Variants in RPS6KA5 observed in about 807,000 individuals in gnomAD.
RPS6KA5 encodes ribosomal protein S6 kinase alpha-5.
A neutral mutation model predicts 85.5 loss-of-function variants in RPS6KA5; 27 were observed. That is an observed-to-expected ratio of 0.32 (90% confidence interval 0.23 to 0.44). RPS6KA5 has a LOEUF of 0.44. Ranked by LOEUF, RPS6KA5 falls within the 20% of genes least tolerant of loss-of-function variation. RPS6KA5 has a pLI of 1.00. For missense variants in RPS6KA5, 811 were observed against 980.9 expected, an observed-to-expected ratio of 0.83 and a Z score of 2.31; for synonymous variants, 334 against 348.2, an observed-to-expected ratio of 0.96 and a Z score of 0.46.
At chr14:90,888,849 C>T (rs774813234) in intron 14 of RPS6KA5, among the ~76,000 whole-genome samples, 29 of 151,994 alleles carry the variant, frequency 1.9e-4, no homozygotes, top group South Asian at 4.1e-4. Flanking sequence ...ATCAAAATAC[C>T]GTATTACCAT....
chr14:91,016,123 G>A (rs994586987), intron 1 of RPS6KA5, among the ~76,000 whole-genome samples: 1 of 152,186 alleles, frequency 6.6e-6, no homozygotes, highest in Non-Finnish European at 1.5e-5. Flanking sequence ...CTGAAACGAA[G>A]TTAAGCAATT....
At chr14:90,899,284 G>C in intron 12 of RPS6KA5, 45 bp downstream of exon 12, 1 of 1,286,818 alleles carries the variant, frequency 7.8e-7, no homozygotes, top group African/African-American at 1.6e-5. Context: ...AACCCTGTAA[G>C]TGAATTAGTA....
At chr14:90,960,520 C>A (rs2038743917) in intron 3 of RPS6KA5, among the ~76,000 whole-genome samples, 1 of 152,088 alleles carries the variant, frequency 6.6e-6, no homozygotes, top group Non-Finnish European at 1.5e-5. Context: ...AGCTTTATAG[C>A]CTAAGGAAAA....
intron 3 of RPS6KA5, among the ~76,000 whole-genome samples, chr14:90,973,803 A>G (rs1333064899): frequency 6.6e-6 from 1 of 152,128 alleles, no homozygotes; most frequent in Non-Finnish European, 1.5e-5. Context: ...TTGGGAGGCC[A>G]AGGCGTGCGG....
intron 3 of RPS6KA5, among the ~76,000 whole-genome samples, chr14:90,977,698 T>C (rs2039626291): frequency 6.6e-6 from 1 of 152,192 alleles, no homozygotes; most frequent in African/African-American, 2.4e-5. Context: ...TTCCTCACAT[T>C]TGAATGGAAG....
At chr14:90,988,406 T>C (rs2040150694) in intron 2 of RPS6KA5, among the ~76,000 whole-genome samples, 1 of 152,226 alleles carries the variant, frequency 6.6e-6, no homozygotes, top group South Asian at 2.1e-4. Context: ...GCATTTATTA[T>C]GTGTCAGGCA....
At chr14:90,877,297 A>C (rs2033542398) in intron 14 of RPS6KA5, among the ~76,000 whole-genome samples, 1 of 152,236 alleles carries the variant, frequency 6.6e-6, no homozygotes, top group Non-Finnish European at 1.5e-5. Context: ...TGCTCTAAGA[A>C]GGGCAATGTC....
At chr14:91,030,811 G>C (rs1306879255) in intron 1 of RPS6KA5, among the ~76,000 whole-genome samples, 1 of 151,638 alleles carries the variant, frequency 6.6e-6, no homozygotes. Flanking sequence ...TCTGTATAGG[G>C]GGAGCCTATT....
At chr14:90,988,338 C>T (rs1257511467) in intron 2 of RPS6KA5, among the ~76,000 whole-genome samples, 1 of 152,218 alleles carries the variant, frequency 6.6e-6, no homozygotes, top group Non-Finnish European at 1.5e-5. Context: ...ACTACATTCC[C>T]TTTCAGCTTC....
intron 3 of RPS6KA5, among the ~76,000 whole-genome samples, chr14:90,951,254 C>T (rs896788685): frequency 3.3e-5 from 5 of 152,018 alleles, no homozygotes; most frequent in Admixed American, 2.6e-4. Context: ...GAGGCCGAGG[C>T]GGGCGGGTCA....
rs1390680651 is a variant in RPS6KA5, at chr14:90,871,138, T to C, written c.*936A>G. 1 of 152,544 alleles carries C rather than the reference T, an allele frequency of 6.6e-6. No individual in the cohort carries two copies. The highest frequency in any genetic ancestry group is 1.5e-5 in the Non-Finnish European group (1 of 68,020). 9.4% of individuals were successfully genotyped at this position (152,544 alleles called of 1,614,324 possible). A position where few individuals can be genotyped will look rare whatever the true frequency, so the allele number is the denominator to read the frequency against. ...AATTTCCCTTTAGGTTTTCCTCACATTGGTGCATAAGTGGCTGACTACATG... is the reference window on the plus strand; with the variant it reads ...AATTTCCCTTTAGGTTTTCCTCACACTGGTGCATAAGTGGCTGACTACATG... On this transcript the variant is annotated 3_prime_UTR_variant, in exon 17 of 17. Transcript: ENST00000614987.
intron 7 of RPS6KA5, among the ~76,000 whole-genome samples, chr14:90,907,891 T>C (rs1312324329): frequency 4.6e-5 from 7 of 152,200 alleles, no homozygotes; most frequent in Non-Finnish European, 1.0e-4. Context: ...TTTCCCATTT[T>C]CTCCACCTCT....
rs1429217989 is a variant in RPS6KA5, at chr14:90,857,212, G to C, written c.*14862C>G. 8 of 152,064 alleles carry C rather than the reference G, an allele frequency of 5.3e-5. No homozygotes were observed. The highest frequency in any genetic ancestry group is 1.0e-4 in the Non-Finnish European group (7 of 68,000). 9.4% of individuals were successfully genotyped at this position (152,064 alleles called of 1,614,324 possible). A position where few individuals can be genotyped will look rare whatever the true frequency, so the allele number is the denominator to read the frequency against. On this transcript the variant is annotated 3_prime_UTR_variant, in exon 17 of 17. Coordinates refer to ENST00000614987, the MANE Select transcript of RPS6KA5 (RefSeq NM_004755.4). ...TTCAAAAGTGGGAAAGAATAACAAA[G>C]ACAGGAATAGAATCCTTGATCTGAC... is the stretch of plus-strand genomic sequence containing the variant.
intron 2 of RPS6KA5, among the ~76,000 whole-genome samples, chr14:90,988,834 AATAACAAAG>A (rs1378972504): frequency 1.3e-5 from 2 of 152,130 alleles, no homozygotes; most frequent in African/African-American, 4.8e-5. Flanking sequence ...TAAATAAATA[AATAACAAAG>A]AAATATAATC....
intron 5 of RPS6KA5, among the ~76,000 whole-genome samples, chr14:90,942,749 T>C (rs1595284067): frequency 6.6e-6 from 1 of 152,356 alleles, no homozygotes; most frequent in South Asian, 2.1e-4. Flanking sequence ...TTGGCCACTA[T>C]CAAAGCCATA....
intron 7 of RPS6KA5, among the ~76,000 whole-genome samples, chr14:90,918,825 T>C (rs2036254325): frequency 6.6e-6 from 1 of 152,246 alleles, no homozygotes; most frequent in South Asian, 2.1e-4. Context: ...CATTGATCAT[T>C]TGTCTATCCT....
At position 90,906,164 on chromosome 14, in the gene RPS6KA5, T is replaced by G. The variant is rs1407799005; in HGVS notation, c.942A>C (p.Glu314Asp). ...CGPRDADEIK[E>D]HLFFQKINWD... The stretch of plus-strand genomic sequence containing the variant: ...ATAATTTCACCTGAAAGAAGAGATG[T>G]TCTTTGATTTCATCTGCATCACGTG... The change falls in exon 8 of 17, where the codon GAA becomes GAC. Residue 314 changes from glutamate to aspartate, a missense_variant. Glu to Asp is a conservative substitution (Grantham distance 45). Around this residue, in one of 3 missense-constraint regions of RPS6KA5, gnomAD observed 650 missense variants for 793.4 expected, o/e 0.82. Coordinates refer to ENST00000614987, the MANE Select transcript of RPS6KA5 (RefSeq NM_004755.4). 1.4e-5 allele frequency: 22 copies of G among 1,602,090 alleles called. No individual in the cohort carries two copies. Among genetic ancestry groups the G allele is most frequent in the Non-Finnish European group, 1.7e-5 (20 of 1,171,590 alleles).
At chr14:90,961,729 T>C (rs1236647367) in intron 3 of RPS6KA5, among the ~76,000 whole-genome samples, 1 of 152,124 alleles carries the variant, frequency 6.6e-6, no homozygotes, top group Non-Finnish European at 1.5e-5. Context: ...CAAGCTAAAA[T>C]TATCGCTCAT....
At chr14:91,013,356 C>T (rs555947589) in intron 1 of RPS6KA5, among the ~76,000 whole-genome samples, 48 of 152,172 alleles carry the variant, frequency 3.2e-4, no homozygotes, top group African/African-American at 1.1e-3. Flanking sequence ...GTCCAAGGAA[C>T]AAGCACTATT....
Sources: gnomAD v4.1 joint callset for allele counts (sites outside exome capture counted in the v4.1 genomes callset) on GRCh38, gnomAD v4.1.1 for gene constraint, gnomAD v4.1.1 regional missense constraint, MANE v1.5 for transcripts, NCBI Gene and HGNC (gene_info 2026-07-23, HGNC 2026-07-21) for gene names.